The following MVP variants were observed in gnomAD, a reference collection of about 807,000 sequenced individuals.
The protein encoded by MVP is lung resistance-related protein.
In MVP, 62 loss-of-function variants were observed where a neutral mutation model predicts 83.5. The observed-to-expected ratio is 0.74, with a 90% CI of 0.61 to 0.92. The LOEUF (loss-of-function observed/expected upper bound fraction) is 0.92. MVP is among the 40% of genes least tolerant of loss of function. MVP has a pLI of 0.00. For missense variants in MVP, 1,000 were observed against 1,203.4 expected (o/e 0.83, Z 2.50); for synonymous variants, 505 against 504.1 (o/e 1.00, Z -0.02).
chr16:29,843,526 G>GA (rs2067551711), intron 10 of MVP, among the ~76,000 whole-genome samples: 1 of 25,164 alleles, frequency 4.0e-5, no homozygotes, highest in African/African-American at 2.3e-4. Flanking sequence ...GGGAGGAAGG[G>GA]AGGAAGGGAG....
At position 29,835,538 on chromosome 16, in the gene MVP, C is replaced by T. The variant is rs933275179; in HGVS notation, c.578-166C>T. 4.4e-5 allele frequency: 19 copies of T among 433,048 alleles called. No individual in the cohort carries two copies. In the Admixed American group the frequency reaches 7.0e-4, roughly 16 times the overall value. 26.8% of individuals were successfully genotyped at this position (433,048 alleles called of 1,614,324 possible). A position where few individuals can be genotyped will look rare whatever the true frequency, so the allele number is the denominator to read the frequency against. ...AATTCAACTGGGGTGGGGGTTTGGC[C>T]TCAAAAGAATGAATAAGAGGACCGC... is the stretch of plus-strand genomic sequence containing the variant. On this transcript the variant is annotated intron_variant, in intron 5 of 14. Transcript: ENST00000357402.
chr16:29,846,011 G>A, intron 12 of MVP, 32 bp downstream of exon 12: 1 of 1,613,422 alleles, frequency 6.2e-7, no homozygotes, highest in Non-Finnish European at 8.5e-7. Flanking sequence ...GAGACTGGCA[G>A]GGGCCGAGGG....
At chr16:29,835,106 C>T (rs1226650610) in intron 5 of MVP, 2 of 152,230 alleles carry the variant, frequency 1.3e-5, no homozygotes, top group Non-Finnish European at 2.9e-5. Flanking sequence ...CATCCAGGCA[C>T]TCTGGCTTCT....
chr16:29,835,738 C>T lies in MVP; in HGVS notation c.612C>T (p.Tyr204=), dbSNP rs1170839223. ...EEWLVTTVGA[Y]LPAVFEEVLD... is the part of the protein sequence containing the mutation. ...GGCTGGTCACCACAGTAGGGGCGTA[C>T]CTCCCAGCGGTGTTTGAGGAGGTTC... Residue 204 remains tyrosine, a synonymous_variant, in exon 6 of 15, where the codon TAC becomes TAT. Coordinates refer to ENST00000357402, the MANE Select transcript of MVP (RefSeq NM_005115.5). The T allele has an allele frequency of 2.5e-6, 4 of 1,613,752 alleles. No homozygotes were observed. The highest frequency in any genetic ancestry group is 1.3e-5 in the African/African-American group (1 of 74,830).
At position 29,841,542 on chromosome 16, in the gene MVP, A is replaced by T; in HGVS notation, c.1192-54A>T. On this transcript the variant is annotated intron_variant, in intron 8 of 14. Transcript: ENST00000357402. This position sits in a 1 kb window ranked among gnomAD's most constrained non-coding sequence, Gnocchi z 4.7. ...GCTCTGCTTTGGGACAGCTGGGCGG[A>T]TCTTCCTCCCTTCCACCCTTACGGG... The T allele has an allele frequency of 6.6e-7, 1 of 1,519,974 alleles. No individual in the cohort carries two copies. The highest frequency in any genetic ancestry group is 8.8e-7 in the Non-Finnish European group (1 of 1,134,686). 94.2% of individuals were successfully genotyped at this position (1,519,974 alleles called of 1,614,324 possible). A position where few individuals can be genotyped will look rare whatever the true frequency, so the allele number is the denominator to read the frequency against.
intron 10 of MVP, 63 bp from the exon 11 acceptor site, chr16:29,844,430 C>G: frequency 6.6e-7 from 1 of 1,507,418 alleles, no homozygotes; most frequent in East Asian, 2.3e-5. Context: ...AAGACCTTGT[C>G]TCTTCTAAAG....
At chr16:29,822,957 A>G (rs987432483) in intron 1 of MVP, among the ~76,000 whole-genome samples, 2 of 151,966 alleles carry the variant, frequency 1.3e-5, no homozygotes, top group East Asian at 3.9e-4. Context: ...AGCTCAGGCA[A>G]TCCGCCTGCC....
In MVP at chr16:29,845,896, C is replaced by A; in HGVS notation, c.2055C>A (p.Arg685=). Residue 685 remains arginine (R), a synonymous_variant, in exon 12 of 15, where the codon CGC becomes CGA. Transcript: ENST00000357402. ...HEAQRLEQEA[R]GRLERQKILD... ...CTCAGAGACTGGAGCAGGAAGCCCG[C>A]GGCCGGCTTGAGCGGCAGAAGATCC... The A allele has an allele frequency of 1.9e-6, 3 of 1,614,006 alleles. No individual in the cohort carries two copies. The highest frequency in any genetic ancestry group is 2.2e-5 in the South Asian group (2 of 91,082).
chr16:29,833,963 G>A lies in MVP; in HGVS notation c.474G>A (p.Glu158=), dbSNP rs764972422. ...CGTACATCCCCCGGAAGGAAGTGGA[G>A]GTCGTGGAGATCATTCAGGCCACCA... ...PGTYIPRKEV[E]VVEIIQATII... The change falls in exon 5 of 15, where the codon GAG becomes GAA. Residue 158 remains glutamate, a synonymous_variant. Transcript: ENST00000357402. The A allele has an allele frequency of 1.2e-6, 2 of 1,614,116 alleles. No individual in the cohort carries two copies. The highest frequency in any genetic ancestry group is 3.3e-5 in the Admixed American group (2 of 60,010).
At chr16:29,827,487 T>A (rs1204792169) in intron 1 of MVP, among the ~76,000 whole-genome samples, 1 of 152,136 alleles carries the variant, frequency 6.6e-6, no homozygotes, top group African/African-American at 2.4e-5. Flanking sequence ...GACCAGGCAT[T>A]CCACCAGGGT....
chr16:29,844,249 C>T (rs1411117788), intron 10 of MVP, among the ~76,000 whole-genome samples: 1 of 152,148 alleles, frequency 6.6e-6, no homozygotes, highest in Non-Finnish European at 1.5e-5. Context: ...CATACATTAG[C>T]ATTCTCTATT....
intron 5 of MVP, 193 bp from the exon 6 acceptor site, chr16:29,835,511 A>T: frequency 1.6e-5 from 5 of 310,026 alleles, no homozygotes; most frequent in Non-Finnish European, 2.4e-5. Flanking sequence ...AAAAACTTTT[A>T]AAATTCAACT....
intron 2 of MVP, 67 bp from the exon 3 acceptor site, chr16:29,830,810 AT>A: frequency 6.4e-7 from 1 of 1,574,756 alleles, no homozygotes; most frequent in Non-Finnish European, 8.6e-7. Context: ...TTTCTCTCTC[AT>A]TTGGTGTCCT....
At chr16:29,822,802 C>T (rs1232857764) in intron 1 of MVP, 1 of 152,284 alleles carries the variant, frequency 6.6e-6, no homozygotes, top group East Asian at 1.9e-4. Flanking sequence ...ACTGCAACCT[C>T]TGCATCCCTG....
intron 10 of MVP, among the ~76,000 whole-genome samples, 161 bp downstream of exon 10, chr16:29,842,273 TGTTTTTTGTTTTTTTA>T (rs2067542078): frequency 6.6e-6 from 1 of 152,202 alleles, no homozygotes; most frequent in Admixed American, 6.5e-5. Flanking sequence ...CCTGTTTCTT[TGTTTTTTGTTTTTTTA>T]GTTTTTTGGT....
At position 29,841,576 on chromosome 16, in the gene MVP, C is replaced by T; in HGVS notation, c.1192-20C>T. 1.3e-6 allele frequency: 2 copies of T among 1,561,308 alleles called. No homozygotes were observed. The highest frequency in any genetic ancestry group is 1.7e-6 in the Non-Finnish European group (2 of 1,152,106). The stretch of plus-strand genomic sequence containing the variant: ...CCTTCCACCCTTACGGGCAGCTTCC[C>T]TCCCTGTCCTCGTCCCAAGGTGCGC... On this transcript the variant is annotated intron_variant, in intron 8 of 14. Coordinates refer to ENST00000357402, the MANE Select transcript of MVP (RefSeq NM_005115.5). The surrounding 1 kb of genome is among the most constrained non-coding windows in gnomAD (Gnocchi z 4.7).
chr16:29,831,118 CACCT>C, intron 3 of MVP, 45 bp downstream of exon 3: 6 of 1,567,694 alleles, frequency 3.8e-6, no homozygotes, highest in Non-Finnish European at 5.2e-6. Context: ...ACCTGTCCTC[CACCT>C]GCCTTGGGCT....
At chr16:29,822,229 T>G (rs755164361) in intron 1 of MVP, among the ~76,000 whole-genome samples, 8 of 151,482 alleles carry the variant, frequency 5.3e-5, no homozygotes, top group Non-Finnish European at 1.2e-4. Context: ...GTGACTGGTG[T>G]TAATTGGCAG....
Position 29,840,295 on chromosome 16 carries a change from G to T in MVP, c.1027G>T (p.Gly343Trp), listed in dbSNP as rs770668275. 3.1e-6 allele frequency: 5 copies of T among 1,613,616 alleles called. No homozygotes were observed. The highest frequency in any genetic ancestry group is 2.7e-5 in the African/African-American group (2 of 75,026). ...GAGGGCCCTGCAGCCCCTGGAGGAGGGGGAGGATGAGGAGAAGGTCTCACA... is the reference window on the plus strand; with the variant it reads ...GAGGGCCCTGCAGCCCCTGGAGGAGTGGGAGGATGAGGAGAAGGTCTCACA... ...LLRALQPLEE[G>W]EDEEKVSHQA... is the part of the protein sequence containing the mutation. The change falls in exon 8 of 15, where the codon GGG becomes TGG. Residue 343 changes from glycine to tryptophan, a missense_variant. Gly to Trp is a radical substitution (Grantham distance 184). Coordinates refer to ENST00000357402, the MANE Select transcript of MVP (RefSeq NM_005115.5).
Sources: allele counts gnomAD v4.1 joint callset (sites outside exome capture counted in the v4.1 genomes callset), GRCh38; gene constraint gnomAD v4.1.1; non-coding constraint Gnocchi (gnomAD v3.1); transcripts MANE v1.5; gene names NCBI Gene and HGNC (gene_info 2026-07-23, HGNC 2026-07-21).